Variants in COXFA4 observed in about 807,000 individuals in gnomAD.
COXFA4 encodes the protein cytochrome c oxidase subunit FA4.
chr7:10,936,913 A>G, the COXFA4 span, among the ~76,000 whole-genome samples: 33 of 152,194 alleles, frequency 2.2e-4, no homozygotes, highest in South Asian at 6.8e-3. Flanking sequence ...TGTGCGTGCC[A>G]TAGTTCCAGC....
At chr7:10,938,147 A>T in the COXFA4 span, 1 of 1,611,546 alleles carries the variant, frequency 6.2e-7, no homozygotes, top group Non-Finnish European at 8.5e-7. Context: ...TTCTGTCCCA[A>T]CTAAAAGAAA....
At chr7:10,933,657 C>T in the COXFA4 span, 1 of 1,610,998 alleles carries the variant, frequency 6.2e-7, no homozygotes, top group Non-Finnish European at 8.5e-7. Flanking sequence ...GACGTTCCTT[C>T]TTCAGCTTGC....
chr7:10,939,996 G>A, the COXFA4 span: 3 of 1,613,746 alleles, frequency 1.9e-6, no homozygotes, highest in East Asian at 4.5e-5. Context: ...AAAACATTAG[G>A]AGAGCGGTCA....
At chr7:10,935,549 C>T in the COXFA4 span, among the ~76,000 whole-genome samples, 9 of 152,176 alleles carry the variant, frequency 5.9e-5, no homozygotes, top group African/African-American at 7.2e-5. Flanking sequence ...TAACCTCAAA[C>T]GCCAATGGTG....
At chr7:10,938,187 G>A in the COXFA4 span, 10 of 1,532,786 alleles carry the variant, frequency 6.5e-6, no homozygotes, top group Non-Finnish European at 8.1e-6. Flanking sequence ...TAATAATAAA[G>A]CACTATTTAG....
chr7:10,938,288 G>T, the COXFA4 span: 1 of 728,608 alleles, frequency 1.4e-6, no homozygotes. Flanking sequence ...GTTGAAACAG[G>T]TAGAGGATCT....
chr7:10,934,201 G>C, the COXFA4 span, among the ~76,000 whole-genome samples: 9 of 151,968 alleles, frequency 5.9e-5, no homozygotes, highest in Non-Finnish European at 1.0e-4. Flanking sequence ...TAACTTCTAA[G>C]ATATTTTCTC....
chr7:10,935,218 C>T, the COXFA4 span, among the ~76,000 whole-genome samples: 1 of 152,222 alleles, frequency 6.6e-6, no homozygotes, highest in Non-Finnish European at 1.5e-5. Context: ...TCCTGATTTA[C>T]TTGCTTCATA....
At chr7:10,938,000 C>T in the COXFA4 span, 1 of 1,024,818 alleles carries the variant, frequency 9.8e-7, no homozygotes, top group South Asian at 1.3e-5. Flanking sequence ...TGGAATTTTA[C>T]TCGTATATCC....
chr7:10,933,897 T>C, the COXFA4 span, among the ~76,000 whole-genome samples: 1 of 152,102 alleles, frequency 6.6e-6, no homozygotes, highest in Non-Finnish European at 1.5e-5. Flanking sequence ...AAGGTAAAAA[T>C]ATTCAATTTA....
At chr7:10,935,899 T>G in the COXFA4 span, among the ~76,000 whole-genome samples, 3 of 152,206 alleles carry the variant, frequency 2.0e-5, no homozygotes, top group Non-Finnish European at 2.9e-5. Context: ...ATTTGTTTCA[T>G]TCCAATTCTA....
At chr7:10,931,983 A>G in the COXFA4 span, 2 of 152,220 alleles carry the variant, frequency 1.3e-5, no homozygotes, top group African/African-American at 2.4e-5. Context: ...GAGTTGCTTA[A>G]TGTTTTTCAA....
chr7:10,936,261 T>G, the COXFA4 span, among the ~76,000 whole-genome samples: 8 of 152,356 alleles, frequency 5.3e-5, no homozygotes, highest in East Asian at 1.3e-3. Flanking sequence ...ATCAGTGTCA[T>G]AGCTATTAAC....
chr7:10,939,669 A>G, the COXFA4 span: 2 of 376,120 alleles, frequency 5.3e-6, no homozygotes, highest in Non-Finnish European at 1.0e-5. Flanking sequence ...AACCTGACCT[A>G]TGCTAGTCTC....
the COXFA4 span, chr7:10,937,896 T>C: frequency 1.7e-6 from 1 of 592,052 alleles, no homozygotes; most frequent in Non-Finnish European, 3.0e-6. Context: ...TTTCTTATAC[T>C]AGCAATTAAA....
At chr7:10,936,520 T>A in the COXFA4 span, among the ~76,000 whole-genome samples, 1 of 152,220 alleles carries the variant, frequency 6.6e-6, no homozygotes, top group Non-Finnish European at 1.5e-5. Flanking sequence ...TGGAATGGAC[T>A]TAGTTTAAAC....
At chr7:10,938,109 C>A in the COXFA4 span, 7 of 1,613,110 alleles carry the variant, frequency 4.3e-6, no homozygotes, top group Non-Finnish European at 5.9e-6. Context: ...ATCATTGGGA[C>A]CCAGTTTGTT....
At chr7:10,933,653 C>T in the COXFA4 span, 1 of 1,610,878 alleles carries the variant, frequency 6.2e-7, no homozygotes, top group Non-Finnish European at 8.5e-7. Context: ...TCTGGACGTT[C>T]CTTCTTCAGC....
chr7:10,938,004 T>C, the COXFA4 span: 1 of 1,070,916 alleles, frequency 9.3e-7, no homozygotes. Context: ...ATTTTACTCG[T>C]ATATCCAGTT....
Sources: gnomAD v4.1 joint callset for allele counts (sites outside exome capture counted in the v4.1 genomes callset) on GRCh38, gnomAD v4.1.1 for gene constraint, MANE v1.5 for transcripts, NCBI Gene and HGNC (gene_info 2026-07-23, HGNC 2026-07-21) for gene names.